The following SYNDIG1 variants were observed in gnomAD, a reference collection of about 807,000 sequenced individuals.
SYNDIG1 encodes the protein synapse differentiation-inducing gene protein 1.
In SYNDIG1, 9 loss-of-function variants were observed where a neutral mutation model predicts 19.4. That is an observed-to-expected ratio of 0.46 (90% CI 0.28 to 0.81). The LOEUF (loss-of-function observed/expected upper bound fraction) is 0.81. SYNDIG1 is among the 30% of genes least tolerant of loss of function. The probability of loss-of-function intolerance (pLI) is 0.12; values close to 1 mark genes in which losing one functional copy is unlikely to be tolerated. For synonymous variants in SYNDIG1, 141 were observed against 145.9 expected, an observed-to-expected ratio of 0.97 and a Z score of 0.24; for missense variants, 311 against 343.3, an observed-to-expected ratio of 0.91 and a Z score of 0.74.
intron 2 of SYNDIG1, among the ~76,000 whole-genome samples, chr20:24,546,629 G>A (rs1479455815): frequency 1.3e-5 from 2 of 152,224 alleles, no homozygotes; most frequent in East Asian, 3.9e-4. Flanking sequence ...CTTTGCCTGT[G>A]TCCTGCATGT....
intron 3 of SYNDIG1, among the ~76,000 whole-genome samples, chr20:24,606,822 G>C (rs538052377): frequency 6.6e-6 from 1 of 152,166 alleles, no homozygotes; most frequent in African/African-American, 2.4e-5. Flanking sequence ...TCCTGTATTC[G>C]TCAGAATGAT....
chr20:24,641,290 T>C (rs1360479406), intron 3 of SYNDIG1, among the ~76,000 whole-genome samples: 2 of 151,994 alleles, frequency 1.3e-5, no homozygotes, highest in Non-Finnish European at 2.9e-5. Context: ...GATGGATTGA[T>C]GGATGGATGG....
chr20:24,561,012 T>C (rs2057935482), intron 2 of SYNDIG1, among the ~76,000 whole-genome samples: 1 of 151,646 alleles, frequency 6.6e-6, no homozygotes, highest in Non-Finnish European at 1.5e-5. Context: ...TTTTTTTAAC[T>C]CTTTTTTTAT....
At chr20:24,505,991 G>T (rs2056581896) in intron 1 of SYNDIG1, among the ~76,000 whole-genome samples, 1 of 152,214 alleles carries the variant, frequency 6.6e-6, no homozygotes, top group South Asian at 2.1e-4. Context: ...GAACATAGGT[G>T]CCAGGATGGC....
intron 2 of SYNDIG1, among the ~76,000 whole-genome samples, chr20:24,563,829 T>C (rs1355625530): frequency 6.6e-6 from 1 of 152,192 alleles, no homozygotes; most frequent in Non-Finnish European, 1.5e-5. Context: ...TCTCACACTT[T>C]TGGACTCAAG....
chr20:24,499,988 C>T (rs1481292823), intron 1 of SYNDIG1, among the ~76,000 whole-genome samples: 1 of 152,144 alleles, frequency 6.6e-6, no homozygotes, highest in Non-Finnish European at 1.5e-5. Flanking sequence ...CGTACCCACT[C>T]ATCTCCCCGG....
At chr20:24,663,529 C>T (rs999770336) in intron 3 of SYNDIG1, among the ~76,000 whole-genome samples, 1 of 152,188 alleles carries the variant, frequency 6.6e-6, no homozygotes, top group African/African-American at 2.4e-5. Flanking sequence ...GTATCGCATT[C>T]CTCCTGTCCC....
intron 3 of SYNDIG1, among the ~76,000 whole-genome samples, chr20:24,628,257 G>A (rs138976832): frequency 2.1e-4 from 32 of 152,290 alleles, no homozygotes; most frequent in Non-Finnish European, 4.1e-4. Context: ...CCGTTAAGTC[G>A]ACACTCTTCT....
In SYNDIG1 at chr20:24,658,215, T is replaced by C. The variant is rs552651993; in HGVS notation, c.619-7131T>C. ...AAGCAAAAGCTCATTGGAAACTCCA[T>C]GAAGAGCGAAGAGAAATGGCAGCCT... On this transcript the variant is annotated intron_variant, in intron 3 of 3. Coordinates refer to ENST00000376862, the MANE Select transcript of SYNDIG1 (RefSeq NM_024893.3). This position sits in a 1 kb window ranked among gnomAD's most constrained non-coding sequence, Gnocchi z 4.4. Among the ~76,000 whole-genome samples, 2 of 152,214 alleles carry C rather than the reference T, an allele frequency of 1.3e-5. No homozygotes were observed. Among genetic ancestry groups the C allele is most frequent in the South Asian group, 4.2e-4 (2 of 4,818 alleles).
intron 3 of SYNDIG1, among the ~76,000 whole-genome samples, chr20:24,629,696 C>T (rs1448960837): frequency 6.6e-6 from 1 of 152,192 alleles, no homozygotes; most frequent in Non-Finnish European, 1.5e-5. Flanking sequence ...GTTTATACAC[C>T]ACTGAAGCTT....
chr20:24,544,936 C>A (rs6036833), intron 2 of SYNDIG1, among the ~76,000 whole-genome samples: 155 of 152,152 alleles, frequency 1.0e-3, no homozygotes, highest in African/African-American at 3.6e-3. Context: ...GGTGAGGCTC[C>A]CTTGGCAAGG....
At chr20:24,534,631 G>A (rs950141191) in intron 1 of SYNDIG1, among the ~76,000 whole-genome samples, 5 of 152,122 alleles carry the variant, frequency 3.3e-5, no homozygotes, top group Non-Finnish European at 4.4e-5. Context: ...GCTTTGTCTC[G>A]CCCACTGGTT....
chr20:24,556,334 T>C (rs2057816918), intron 2 of SYNDIG1, among the ~76,000 whole-genome samples: 2 of 152,242 alleles, frequency 1.3e-5, no homozygotes, highest in Non-Finnish European at 2.9e-5. Flanking sequence ...TTGTGTGAAA[T>C]TGATCCTGTC....
chr20:24,537,182 T>G (rs1360591174), intron 1 of SYNDIG1, among the ~76,000 whole-genome samples: 4 of 152,208 alleles, frequency 2.6e-5, no homozygotes, highest in Non-Finnish European at 5.9e-5. Context: ...CTACCTATGC[T>G]GTTCCCTCTG....
intron 3 of SYNDIG1, among the ~76,000 whole-genome samples, chr20:24,613,286 G>C (rs1442471087): frequency 6.6e-6 from 1 of 152,190 alleles, no homozygotes; most frequent in African/African-American, 2.4e-5. Context: ...GCCAGCTGCT[G>C]TGTGTGCTGT....
At chr20:24,489,251 GACAC>G (rs1185032275) in intron 1 of SYNDIG1, among the ~76,000 whole-genome samples, 7 of 151,186 alleles carry the variant, frequency 4.6e-5, no homozygotes, top group African/African-American at 1.7e-4. Flanking sequence ...CACACACACA[GACAC>G]ACATGCATGC....
chr20:24,623,857 AC>A (rs1014011186), intron 3 of SYNDIG1, among the ~76,000 whole-genome samples: 2 of 152,214 alleles, frequency 1.3e-5, no homozygotes, highest in African/African-American at 4.8e-5. Flanking sequence ...GGGGGAAAAA[AC>A]CAGAACAAAT....
At chr20:24,541,173 C>A (rs2057460534) in intron 1 of SYNDIG1, among the ~76,000 whole-genome samples, 1 of 152,136 alleles carries the variant, frequency 6.6e-6, no homozygotes, top group Non-Finnish European at 1.5e-5. Flanking sequence ...TATTTAGTAG[C>A]AAAACTAGGG....
At chr20:24,555,951 T>A (rs1242467739) in intron 2 of SYNDIG1, among the ~76,000 whole-genome samples, 1 of 152,198 alleles carries the variant, frequency 6.6e-6, no homozygotes, top group Non-Finnish European at 1.5e-5. Flanking sequence ...AGTCTCTTTG[T>A]AGGTCACTCA....
Sources: allele counts gnomAD v4.1 joint callset (sites outside exome capture counted in the v4.1 genomes callset), GRCh38; gene constraint gnomAD v4.1.1; non-coding constraint Gnocchi (gnomAD v3.1); transcripts MANE v1.5; gene names NCBI Gene and HGNC (gene_info 2026-07-23, HGNC 2026-07-21).